Variants in TIMP3 observed in about 807,000 individuals in gnomAD.
TIMP3 encodes metalloproteinase inhibitor 3.
A neutral mutation model predicts 30.0 loss-of-function variants in TIMP3; 11 were observed. That is an observed-to-expected ratio of 0.37 (90% CI 0.23 to 0.61). TIMP3 has a LOEUF of 0.61. Ranked by LOEUF, TIMP3 falls within the 20% of genes least tolerant of loss-of-function variation. The pLI is 0.70. For missense variants in TIMP3, 181 were observed against 276.8 expected, an observed-to-expected ratio of 0.65 and a Z score of 2.45; for synonymous variants, 112 against 111.3, an observed-to-expected ratio of 1.01 and a Z score of -0.04.
At chr22:32,847,145 T>C (rs2146229691) in intron 1 of TIMP3, among the ~76,000 whole-genome samples, 1 of 152,278 alleles carries the variant, frequency 6.6e-6, no homozygotes, top group South Asian at 2.1e-4. Flanking sequence ...AGAAGATGGG[T>C]CCAAATCATT....
chr22:32,830,970 C>T (rs1040522984), intron 1 of TIMP3, among the ~76,000 whole-genome samples: 21 of 152,162 alleles, frequency 1.4e-4, no homozygotes, highest in Non-Finnish European at 2.5e-4. Flanking sequence ...TTTCCCCAAC[C>T]AGGGGCACAG....
At chr22:32,840,185 G>C (rs1223311652) in intron 1 of TIMP3, among the ~76,000 whole-genome samples, 1 of 152,218 alleles carries the variant, frequency 6.6e-6, no homozygotes, top group African/African-American at 2.4e-5. Flanking sequence ...GATTTTCTGA[G>C]TGTGTGTCTT....
intron 1 of TIMP3, among the ~76,000 whole-genome samples, chr22:32,833,578 T>C (rs1336593125): frequency 2.0e-4 from 31 of 152,224 alleles, no homozygotes. Flanking sequence ...CTAAAGTCTG[T>C]GGCCTGTGAA....
chr22:32,853,361 A>G (rs561989715), intron 2 of TIMP3, among the ~76,000 whole-genome samples: 1 of 152,300 alleles, frequency 6.6e-6, no homozygotes, highest in East Asian at 1.9e-4. Context: ...TGAGTCCGTG[A>G]TGTACACCAG....
At chr22:32,827,312 T>C (rs762557978) in intron 1 of TIMP3, among the ~76,000 whole-genome samples, 4 of 152,176 alleles carry the variant, frequency 2.6e-5, no homozygotes, top group Non-Finnish European at 4.4e-5. Context: ...AGTTTAAATA[T>C]GTGAATTCAT....
intron 1 of TIMP3, among the ~76,000 whole-genome samples, chr22:32,823,057 C>G (rs1283942960): frequency 2.0e-5 from 3 of 152,160 alleles, no homozygotes; most frequent in African/African-American, 7.2e-5. Flanking sequence ...TTAATTTGAT[C>G]CAGTGTTTTC....
At chr22:32,829,587 C>T (rs924074146) in intron 1 of TIMP3, among the ~76,000 whole-genome samples, 1 of 152,230 alleles carries the variant, frequency 6.6e-6, no homozygotes, top group African/African-American at 2.4e-5. Context: ...TTTCATCAGA[C>T]CTTAATTGGC....
intron 1 of TIMP3, among the ~76,000 whole-genome samples, chr22:32,809,568 T>A (rs2046857202): frequency 6.6e-6 from 1 of 152,242 alleles, no homozygotes; most frequent in Non-Finnish European, 1.5e-5. Flanking sequence ...CAATAAGTTC[T>A]GTGTTTGGAA....
chr22:32,847,024 C>T (rs1023972658), intron 1 of TIMP3, among the ~76,000 whole-genome samples: 3 of 152,182 alleles, frequency 2.0e-5, no homozygotes, highest in Non-Finnish European at 4.4e-5. Flanking sequence ...TCAAGTCAAG[C>T]CATTTTTGAA....
intron 1 of TIMP3, among the ~76,000 whole-genome samples, chr22:32,819,013 G>A (rs907448830): frequency 1.3e-5 from 2 of 152,234 alleles, no homozygotes; most frequent in Admixed American, 1.3e-4. Context: ...ATAACCTCGA[G>A]GCTGGCCTCT....
At chr22:32,807,388 AT>A (rs1455693404) in intron 1 of TIMP3, among the ~76,000 whole-genome samples, 8 of 101,664 alleles carry the variant, frequency 7.9e-5, no homozygotes, top group Non-Finnish European at 1.5e-4. Flanking sequence ...AATATATATT[AT>A]ATATAATATA....
chr22:32,858,150 G>A lies in TIMP3; in HGVS notation c.438+12G>A. 6.2e-7 allele frequency: 1 copy of A among 1,612,236 alleles called. No individual in the cohort carries two copies. Among genetic ancestry groups the A allele is most frequent in the Non-Finnish European group, 8.5e-7 (1 of 1,178,328 alleles). ...GTTGTAACTGCAAGGTAAGCTCTGG[G>A]GTCACTGGGGGAAGGAGGGGAGGTG... is the stretch of plus-strand genomic sequence containing the variant. On this transcript the variant is annotated intron_variant, in intron 4 of 4. Transcript: ENST00000266085.
At chr22:32,819,575 A>G (rs116328973) in intron 1 of TIMP3, among the ~76,000 whole-genome samples, 282 of 152,304 alleles carry the variant, frequency 1.9e-3, no homozygotes, top group African/African-American at 6.4e-3. Flanking sequence ...GGTGCTGGGC[A>G]GAGTGCTAAG....
rs138081581 is a variant in TIMP3 at position 32,851,563 on chromosome 22, C to T, written c.204+2029C>T. On this transcript the variant is annotated intron_variant, in intron 2 of 4. Transcript: ENST00000266085. ...CTTAGGCTTTCGGTTCACCATCCTTCGCCTGAGCTCATGAATCATGGTGCT... is the reference window on the plus strand; with the variant it reads ...CTTAGGCTTTCGGTTCACCATCCTTTGCCTGAGCTCATGAATCATGGTGCT... 1.3e-3 allele frequency among the ~76,000 whole-genome samples: 200 copies of T among 152,266 alleles called. 3 individuals are homozygous for T. The East Asian group carries it at 0.022, about 17-fold the overall frequency.
intron 1 of TIMP3, among the ~76,000 whole-genome samples, chr22:32,847,292 T>C (rs2048094002): frequency 6.6e-6 from 1 of 152,200 alleles, no homozygotes; most frequent in Admixed American, 6.5e-5. Context: ...CCGAGAATAC[T>C]ACCGCAATGT....
At chr22:32,850,598 A>G (rs1207394363) in intron 2 of TIMP3, among the ~76,000 whole-genome samples, 1 of 152,174 alleles carries the variant, frequency 6.6e-6, no homozygotes, top group Non-Finnish European at 1.5e-5. Context: ...TTTAGGAACT[A>G]GAGTCAGGTT....
intron 1 of TIMP3, among the ~76,000 whole-genome samples, chr22:32,826,067 TTTTG>T (rs1053343119): frequency 1.3e-5 from 2 of 152,194 alleles, no homozygotes; most frequent in African/African-American, 4.8e-5. Context: ...TTTTATAGGT[TTTTG>T]TTTGTTTGTT....
chr22:32,808,834 G>C (rs1448859403), intron 1 of TIMP3, among the ~76,000 whole-genome samples: 1 of 152,162 alleles, frequency 6.6e-6, no homozygotes, highest in Non-Finnish European at 1.5e-5. Flanking sequence ...AAAGCTGCAT[G>C]GGAAACTCCC....
chr22:32,827,246 CCT>C (rs940331407), intron 1 of TIMP3, among the ~76,000 whole-genome samples: 5 of 152,172 alleles, frequency 3.3e-5, no homozygotes, highest in South Asian at 4.1e-4. Flanking sequence ...TTAGCTTACC[CCT>C]GTCTGGCACC....
Sources: allele counts gnomAD v4.1 joint callset (sites outside exome capture counted in the v4.1 genomes callset), GRCh38; gene constraint gnomAD v4.1.1; transcripts MANE v1.5; gene names NCBI Gene and HGNC (gene_info 2026-07-23, HGNC 2026-07-21).